The following PGGT1B variants were observed in gnomAD, a reference collection of about 807,000 sequenced individuals.
PGGT1B encodes protein geranylgeranyltransferase type I subunit beta.
In PGGT1B, 30 loss-of-function variants were observed where a neutral mutation model predicts 46.1. That is an observed-to-expected ratio of 0.65 (90% CI 0.49 to 0.88). The LOEUF (loss-of-function observed/expected upper bound fraction) is 0.88. Ranked by LOEUF, PGGT1B falls within the 40% of genes least tolerant of loss-of-function variation. The pLI, the probability that PGGT1B is intolerant of heterozygous loss-of-function variation, is 0.00. For missense variants in PGGT1B, 376 were observed against 455.9 expected (o/e 0.82, Z 1.60); for synonymous variants, 170 against 160.0 (o/e 1.06, Z -0.47).
At chr5:115,252,138 C>T (rs1748128861) in intron 2 of PGGT1B, among the ~76,000 whole-genome samples, 1 of 151,998 alleles carries the variant, frequency 6.6e-6, no homozygotes, top group Non-Finnish European at 1.5e-5. Flanking sequence ...TAACTATTGA[C>T]CAAACTTATA....
At chr5:115,254,280 T>C (rs1748221899) in intron 1 of PGGT1B, among the ~76,000 whole-genome samples, 1 of 152,048 alleles carries the variant, frequency 6.6e-6, no homozygotes, top group African/African-American at 2.4e-5. Flanking sequence ...CAGAACTGTT[T>C]CAGATTTCAG....
At chr5:115,246,493 TAC>T (rs1432237038) in intron 2 of PGGT1B, among the ~76,000 whole-genome samples, 7 of 152,214 alleles carry the variant, frequency 4.6e-5, no homozygotes, top group African/African-American at 1.2e-4. Flanking sequence ...TAAGAAAGTA[TAC>T]ACACACAATT....
chr5:115,245,794 G>A (rs943388994), intron 2 of PGGT1B, among the ~76,000 whole-genome samples: 3 of 152,134 alleles, frequency 2.0e-5, no homozygotes, highest in African/African-American at 4.8e-5. Flanking sequence ...CACGGTCACA[G>A]TATAGGGAAA....
At chr5:115,218,910 T>G (rs1258612923) in intron 7 of PGGT1B, among the ~76,000 whole-genome samples, 1 of 151,862 alleles carries the variant, frequency 6.6e-6, no homozygotes, top group African/African-American at 2.4e-5. Flanking sequence ...GGTGAAAGAT[T>G]TGTATGTTGA....
intron 7 of PGGT1B, among the ~76,000 whole-genome samples, chr5:115,219,525 G>A (rs1165113101): frequency 1.3e-5 from 2 of 151,828 alleles, no homozygotes; most frequent in African/African-American, 2.4e-5. Context: ...AAATCTTTAC[G>A]ACCGTGGATT....
At chr5:115,219,579 A>C (rs1035162492) in intron 7 of PGGT1B, among the ~76,000 whole-genome samples, 1 of 151,892 alleles carries the variant, frequency 6.6e-6, no homozygotes, top group Non-Finnish European at 1.5e-5. Context: ...ACAATCAATA[A>C]AAGAAAAATT....
intron 5 of PGGT1B, among the ~76,000 whole-genome samples, chr5:115,235,920 G>T (rs1254005860): frequency 6.6e-6 from 1 of 152,090 alleles, no homozygotes; most frequent in African/African-American, 2.4e-5. Context: ...CTGGAATGCA[G>T]AAGTTTTATT....
At chr5:115,250,167 G>A (rs1237659450) in intron 2 of PGGT1B, among the ~76,000 whole-genome samples, 2 of 151,896 alleles carry the variant, frequency 1.3e-5, no homozygotes, top group Non-Finnish European at 2.9e-5. Flanking sequence ...ATAATCCCCA[G>A]GTTTTGTTTA....
chr5:115,219,644 C>A (rs1756527502), intron 7 of PGGT1B, among the ~76,000 whole-genome samples: 1 of 151,746 alleles, frequency 6.6e-6, no homozygotes, highest in Non-Finnish European at 1.5e-5. Context: ...ACACCATCAA[C>A]AGAGTAAAAA....
At chr5:115,257,115 C>T (rs1748352419) in intron 1 of PGGT1B, among the ~76,000 whole-genome samples, 1 of 152,126 alleles carries the variant, frequency 6.6e-6, no homozygotes, top group Non-Finnish European at 1.5e-5. Flanking sequence ...AATCAAGTTG[C>T]TTTACCAAAG....
At chr5:115,218,472 A>G (rs1006089781) in intron 7 of PGGT1B, among the ~76,000 whole-genome samples, 1 of 135,032 alleles carries the variant, frequency 7.4e-6, no homozygotes, top group African/African-American at 2.8e-5. Flanking sequence ...GTTAAAATCT[A>G]TGTGTTCACA....
chr5:115,240,557 T>C (rs887853954), intron 3 of PGGT1B, among the ~76,000 whole-genome samples: 2 of 152,228 alleles, frequency 1.3e-5, no homozygotes, highest in African/African-American at 2.4e-5. Flanking sequence ...GCACCCATAA[T>C]TGGAGTCCTG....
intron 5 of PGGT1B, among the ~76,000 whole-genome samples, chr5:115,233,337 A>G (rs1162277039): frequency 6.6e-6 from 1 of 151,880 alleles, no homozygotes; most frequent in African/African-American, 2.4e-5. Flanking sequence ...AAAAAGACAA[A>G]ATAAGAAATA....
At chr5:115,227,992 T>C (rs1756846144) in intron 6 of PGGT1B, among the ~76,000 whole-genome samples, 1 of 152,060 alleles carries the variant, frequency 6.6e-6, no homozygotes, top group Non-Finnish European at 1.5e-5. Flanking sequence ...GAAAAGGAGA[T>C]TAAAATTAAA....
At chr5:115,219,823 T>C (rs1756532890) in intron 7 of PGGT1B, among the ~76,000 whole-genome samples, 1 of 151,602 alleles carries the variant, frequency 6.6e-6, no homozygotes, top group Non-Finnish European at 1.5e-5. Flanking sequence ...GACCAATAAG[T>C]ACACAGAAAG....
intron 6 of PGGT1B, among the ~76,000 whole-genome samples, chr5:115,227,996 A>C (rs1334188520): frequency 6.6e-6 from 1 of 152,186 alleles, no homozygotes; most frequent in Non-Finnish European, 1.5e-5. Context: ...AGGAGATTAA[A>C]ATTAAACTCA....
chr5:115,204,870 G>T lies in PGGT1B; in HGVS notation c.*7532C>A, dbSNP rs1421840687. ...ATATATCCAGTCATAAAAGTGAAAA[G>T]CATCTTCTGATTATTTCCACAAGTT... On this transcript the variant is annotated 3_prime_UTR_variant, in exon 9 of 9. Transcript: ENST00000419445. 1.3e-5 allele frequency: 2 copies of T among 152,102 alleles called. No homozygotes were observed. Among genetic ancestry groups the T allele is most frequent in the Non-Finnish European group, 2.9e-5 (2 of 68,020 alleles). The allele number at this position is 152,102 out of a possible 1,614,324, so 9.4% of individuals were successfully genotyped here. A position where few individuals can be genotyped will look rare whatever the true frequency, so the allele number is the denominator to read the frequency against.
In PGGT1B at chr5:115,212,513, A is replaced by C. The variant is rs1756266531; in HGVS notation, c.1023T>G (p.His341Gln). ...LMEESGICKV[H>Q]PALNVSTRTS... Reference sequence around the variant, plus strand: ...TCCGTGTGCTTACATTCAGAGCAGGATGAACTTTACAAATTCCACTTTCCT... The same window carrying C: ...TCCGTGTGCTTACATTCAGAGCAGGCTGAACTTTACAAATTCCACTTTCCT... The change falls in exon 9 of 9, where the codon CAT becomes CAG. Residue 341 changes from histidine to glutamine, a missense_variant. His to Gln is a conservative substitution (Grantham distance 24, BLOSUM62 0). Around this residue, in one of 2 missense-constraint regions of PGGT1B, gnomAD observed 222 missense variants for 313.6 expected, o/e 0.71. Coordinates refer to ENST00000419445, the MANE Select transcript of PGGT1B (RefSeq NM_005023.4). 2 of 1,613,604 alleles carry C rather than the reference A, an allele frequency of 1.2e-6. No homozygotes were observed. Among genetic ancestry groups the C allele is most frequent in the Non-Finnish European group, 1.7e-6 (2 of 1,179,730 alleles).
chr5:115,246,712 AG>A (rs1264740410), intron 2 of PGGT1B, among the ~76,000 whole-genome samples: 2 of 152,236 alleles, frequency 1.3e-5, no homozygotes, highest in African/African-American at 2.4e-5. Flanking sequence ...CCTGTTAAAA[AG>A]CATGAGGATA....
Sources: gnomAD v4.1 joint callset for allele counts (sites outside exome capture counted in the v4.1 genomes callset) on GRCh38, gnomAD v4.1.1 for gene constraint, gnomAD v4.1.1 regional missense constraint, MANE v1.5 for transcripts, NCBI Gene and HGNC (gene_info 2026-07-23, HGNC 2026-07-21) for gene names.